CTNNA2: variants seen among roughly 807,000 people sequenced by gnomAD.
CTNNA2 encodes the protein catenin alpha 2.
A neutral mutation model predicts 101.0 loss-of-function variants in CTNNA2; 42 were observed. The observed-to-expected ratio is 0.42, with a 90% CI of 0.32 to 0.54. The LOEUF is 0.54. Ranked by LOEUF, CTNNA2 falls within the 20% of genes least tolerant of loss-of-function variation. The pLI is 0.14. For synonymous variants in CTNNA2, 450 were observed against 456.4 expected (o/e 0.99, Z 0.18); for missense variants, 871 against 1,223.1 (o/e 0.71, Z 4.29).
At chr2:79,369,443 A>G (rs140882167) in intron 3 of CTNNA2, among the ~76,000 whole-genome samples, 15 of 152,012 alleles carry the variant, frequency 9.9e-5, no homozygotes, top group Non-Finnish European at 1.9e-4. Flanking sequence ...TGCTTCCAAT[A>G]TCGTCTTGGC....
At chr2:79,770,390 G>A (rs1006336498) in intron 3 of CTNNA2, among the ~76,000 whole-genome samples, 1 of 152,164 alleles carries the variant, frequency 6.6e-6, no homozygotes, top group African/African-American at 2.4e-5. Context: ...ATCACTGGAA[G>A]TGCATCATTT....
At chr2:79,957,289 T>G (rs563905095) in intron 7 of CTNNA2, among the ~76,000 whole-genome samples, 38 of 152,212 alleles carry the variant, frequency 2.5e-4, no homozygotes, top group Non-Finnish European at 4.3e-4. Context: ...TACCCTTATC[T>G]CTGTCCTTCT....
intron 3 of CTNNA2, among the ~76,000 whole-genome samples, chr2:79,791,745 C>G (rs1018200560): frequency 3.3e-5 from 5 of 152,192 alleles, no homozygotes; most frequent in African/African-American, 1.2e-4. Flanking sequence ...TGGCTGTGCT[C>G]TAGCAGGATC....
At chr2:80,175,962 T>A (rs1220386972) in intron 7 of CTNNA2, among the ~76,000 whole-genome samples, 2 of 152,218 alleles carry the variant, frequency 1.3e-5, no homozygotes, top group African/African-American at 4.8e-5. Flanking sequence ...CTCTGCCTGC[T>A]TTTATCCTAG....
intron 2 of CTNNA2, among the ~76,000 whole-genome samples, chr2:79,654,805 A>G (rs1196205672): frequency 6.6e-6 from 1 of 152,186 alleles, no homozygotes; most frequent in Non-Finnish European, 1.5e-5. Context: ...GAAGCACCTA[A>G]TACTGATATG....
intron 7 of CTNNA2, among the ~76,000 whole-genome samples, chr2:80,104,609 G>A (rs1191072718): frequency 2.6e-5 from 4 of 152,210 alleles, no homozygotes; most frequent in African/African-American, 7.2e-5. Context: ...GGAAAGATGC[G>A]AAATGAATTA....
At chr2:80,422,413 T>C (rs1680610621) in intron 9 of CTNNA2, among the ~76,000 whole-genome samples, 1 of 146,792 alleles carries the variant, frequency 6.8e-6, no homozygotes, top group Admixed American at 7.0e-5. Context: ...ATAAGTGTAT[T>C]TCTTCTTTCC....
chr2:80,169,680 G>A (rs1479142695), intron 7 of CTNNA2, among the ~76,000 whole-genome samples: 1 of 152,130 alleles, frequency 6.6e-6, no homozygotes, highest in Non-Finnish European at 1.5e-5. Context: ...TACCCACAGA[G>A]CCCTGAGCAA....
chr2:79,205,822 C>A (rs1311914746), intron 2 of CTNNA2, among the ~76,000 whole-genome samples: 1 of 152,160 alleles, frequency 6.6e-6, no homozygotes, highest in African/African-American at 2.4e-5. Flanking sequence ...AGCCAATGAT[C>A]TAATTTTTGA....
At chr2:79,801,202 C>A (rs571207046) in intron 3 of CTNNA2, among the ~76,000 whole-genome samples, 1 of 152,240 alleles carries the variant, frequency 6.6e-6, no homozygotes, top group South Asian at 2.1e-4. Flanking sequence ...TTGTGCACTC[C>A]CTCATTGTCT....
intron 9 of CTNNA2, among the ~76,000 whole-genome samples, chr2:80,521,719 C>T (rs537561874): frequency 3.3e-5 from 5 of 152,068 alleles, no homozygotes; most frequent in Non-Finnish European, 5.9e-5. Flanking sequence ...CTGGAGCCTC[C>T]GGAAAAGAAT....
At chr2:79,562,300 T>G (rs1674830520) in intron 1 of CTNNA2, among the ~76,000 whole-genome samples, 1 of 152,052 alleles carries the variant, frequency 6.6e-6, no homozygotes, top group African/African-American at 2.4e-5. Context: ...ATTATTAGAC[T>G]GTTTTGATTA....
intron 7 of CTNNA2, among the ~76,000 whole-genome samples, chr2:80,067,375 T>G (rs549434600): frequency 7.2e-5 from 11 of 152,180 alleles, no homozygotes; most frequent in African/African-American, 2.6e-4. Context: ...TTTCAAAACA[T>G]CATGTTTTGA....
chr2:79,338,842 G>C (rs961442151), intron 3 of CTNNA2, among the ~76,000 whole-genome samples: 1 of 152,118 alleles, frequency 6.6e-6, no homozygotes, highest in African/African-American at 2.4e-5. Context: ...ATAAGATAGA[G>C]AGGAAGGTGT....
chr2:80,344,169 A>G (rs1573781851), intron 7 of CTNNA2, among the ~76,000 whole-genome samples: 1 of 151,870 alleles, frequency 6.6e-6, no homozygotes, highest in African/African-American at 2.4e-5. Context: ...ACTTCTTTCA[A>G]TTGGCTTCCG....
chr2:79,764,169 G>A (rs906405990), intron 3 of CTNNA2, among the ~76,000 whole-genome samples: 1 of 152,084 alleles, frequency 6.6e-6, no homozygotes, highest in Admixed American at 6.5e-5. Flanking sequence ...TTAAAAATTG[G>A]AGCAGAATTA....
chr2:79,553,308 G>A (rs747925902), intron 1 of CTNNA2, among the ~76,000 whole-genome samples: 2 of 152,104 alleles, frequency 1.3e-5, no homozygotes, highest in Non-Finnish European at 1.5e-5. Flanking sequence ...TCTCTAGGAC[G>A]TTCCAAACTT....
At chr2:79,879,086 C>T (rs756290131) in intron 6 of CTNNA2, among the ~76,000 whole-genome samples, 5 of 152,066 alleles carry the variant, frequency 3.3e-5, no homozygotes, top group Non-Finnish European at 7.4e-5. Context: ...GATTATTTCC[C>T]CATTGCTTGT....
chr2:80,545,941 C>T lies in CTNNA2; in HGVS notation c.1418C>T (p.Pro473Leu). The change falls in exon 11 of 19, where the codon CCA (proline) becomes CTA (leucine). Residue 473 changes from proline (P) to leucine (L), a missense_variant. Pro to Leu is a moderately conservative substitution (Grantham distance 98). Coordinates refer to ENST00000402739, the MANE Select transcript of CTNNA2 (RefSeq NM_001282597.3). The part of the protein sequence containing the change: ...INAALTLAAR[P>L]QSKVAQDNMD... ...GCCGCTCTGACACTGGCTGCCCGGC[C>T]ACAGAGCAAAGTTGCTCAGGATAAC... The T allele has an allele frequency of 6.2e-7, 1 of 1,614,042 alleles. No individual in the cohort carries two copies. The highest frequency in any genetic ancestry group is 8.5e-7 in the Non-Finnish European group (1 of 1,179,984).
Sources: allele counts gnomAD v4.1 joint callset (sites outside exome capture counted in the v4.1 genomes callset), GRCh38; gene constraint gnomAD v4.1.1; transcripts MANE v1.5; gene names NCBI Gene and HGNC (gene_info 2026-07-23, HGNC 2026-07-21).